Variants in HDAC9 observed in about 807,000 individuals in gnomAD.
HDAC9 encodes histone deacetylase 9.
A neutral mutation model predicts 139.4 loss-of-function variants in HDAC9; 41 were observed. That is an observed-to-expected ratio of 0.29 (90% CI 0.23 to 0.38). The LOEUF is 0.38. Among genes scored for constraint, HDAC9 ranks in the 10% least tolerant of loss-of-function variants. The pLI is 1.00. For synonymous variants in HDAC9, 517 were observed against 476.2 expected, an observed-to-expected ratio of 1.09 and a Z score of -1.12; for missense variants, 1,147 against 1,297.0, an observed-to-expected ratio of 0.88 and a Z score of 1.78.
chr7:18,720,318 T>C (rs914709746), intron 12 of HDAC9, among the ~76,000 whole-genome samples: 16 of 151,832 alleles, frequency 1.1e-4, no homozygotes, highest in Non-Finnish European at 2.1e-4. Flanking sequence ...TTAATTTATT[T>C]AATTTTAATT....
chr7:18,507,581 G>A (rs912023354), intron 2 of HDAC9, among the ~76,000 whole-genome samples: 5 of 151,432 alleles, frequency 3.3e-5, no homozygotes, highest in East Asian at 1.9e-4. Flanking sequence ...TGTAACCTCC[G>A]CCTCCCGGGT....
At chr7:18,266,491 G>A (rs114957022) in intron 2 of HDAC9, among the ~76,000 whole-genome samples, 10 of 152,226 alleles carry the variant, frequency 6.6e-5, no homozygotes, top group Middle Eastern at 3.4e-3. Context: ...CCTCAGGACA[G>A]ACATTGTGCA....
In HDAC9 at chr7:18,332,910, T is replaced by C. The variant is rs189567507; in HGVS notation, c.-42+42395T>C. On this transcript the variant is annotated intron_variant, in intron 1 of 3. Transcript: ENST00000413509. ...AATCTTTGACAGAAATATTCTACTG[T>C]GAGGAAATAAATTTACACAAGGATC... Among the ~76,000 whole-genome samples, 460 of 151,608 alleles carry C rather than the reference T, an allele frequency of 3.0e-3. 2 individuals carry two copies. The highest frequency in any genetic ancestry group is 0.011 in the African/African-American group (439 of 41,450).
At chr7:18,392,148 A>G (rs1786547374) in intron 1 of HDAC9, among the ~76,000 whole-genome samples, 1 of 152,040 alleles carries the variant, frequency 6.6e-6, no homozygotes, top group African/African-American at 2.4e-5. Flanking sequence ...TACCTGAGTG[A>G]GTTACTCAGC....
At chr7:18,833,532 G>T (rs1409380161) in intron 19 of HDAC9, among the ~76,000 whole-genome samples, 1 of 152,136 alleles carries the variant, frequency 6.6e-6, no homozygotes, top group African/African-American at 2.4e-5. Flanking sequence ...TAGATATCCA[G>T]TAACAAACAC....
intron 16 of HDAC9, among the ~76,000 whole-genome samples, chr7:18,776,689 T>G (rs1193676446): frequency 1.3e-5 from 2 of 151,804 alleles, no homozygotes; most frequent in African/African-American, 4.8e-5. Context: ...TAATGAGAAG[T>G]GTTGCTTTTT....
intron 16 of HDAC9, among the ~76,000 whole-genome samples, chr7:18,769,757 G>A (rs1302648555): frequency 1.3e-5 from 2 of 152,048 alleles, no homozygotes; most frequent in African/African-American, 4.8e-5. Context: ...TCACCTCCAG[G>A]ACAATCCCAG....
At chr7:18,566,751 G>T (rs1349751981) in intron 2 of HDAC9, among the ~76,000 whole-genome samples, 1 of 152,192 alleles carries the variant, frequency 6.6e-6, no homozygotes. Context: ...GACTGATAGA[G>T]ATGTTAATTT....
chr7:18,734,937 T>G (rs1420507119), intron 13 of HDAC9, among the ~76,000 whole-genome samples: 2 of 152,220 alleles, frequency 1.3e-5, no homozygotes, highest in Non-Finnish European at 2.9e-5. Context: ...TTCTAACTGG[T>G]GTGAAATGGT....
chr7:18,728,067 T>C (rs1785700637), intron 13 of HDAC9, among the ~76,000 whole-genome samples: 1 of 152,212 alleles, frequency 6.6e-6, no homozygotes, highest in Admixed American at 6.5e-5. Flanking sequence ...TCTCTACTCT[T>C]ACCTTCTGCC....
At chr7:18,155,524 C>G (rs1004847206) in intron 1 of HDAC9, among the ~76,000 whole-genome samples, 6 of 152,132 alleles carry the variant, frequency 3.9e-5, no homozygotes, top group Non-Finnish European at 8.8e-5. Context: ...ATAGTATAGA[C>G]TACTGAATCT....
intron 16 of HDAC9, among the ~76,000 whole-genome samples, chr7:18,775,842 C>G (rs1347742721): frequency 2.0e-5 from 3 of 152,164 alleles, no homozygotes; most frequent in Admixed American, 6.6e-5. Context: ...TATCCATACT[C>G]AGTTGAACCA....
At chr7:18,248,507 T>C (rs1794707447) in intron 2 of HDAC9, among the ~76,000 whole-genome samples, 1 of 152,238 alleles carries the variant, frequency 6.6e-6, no homozygotes, top group Non-Finnish European at 1.5e-5. Context: ...GGTGGAATTG[T>C]TGGCAGTTTT....
intron 2 of HDAC9, among the ~76,000 whole-genome samples, chr7:18,546,031 T>A (rs1256249406): frequency 6.6e-6 from 1 of 152,222 alleles, no homozygotes; most frequent in Non-Finnish European, 1.5e-5. Flanking sequence ...ATTATGCATA[T>A]TGACAAAACT....
intron 1 of HDAC9, among the ~76,000 whole-genome samples, chr7:18,427,140 A>G (rs766271836): frequency 6.6e-6 from 1 of 152,196 alleles, no homozygotes; most frequent in African/African-American, 2.4e-5. Context: ...TGCAGGCACA[A>G]CAACACCCTA....
At chr7:18,230,962 G>A (rs302156) in intron 2 of HDAC9, among the ~76,000 whole-genome samples, 6,736 of 152,216 alleles carry the variant, frequency 0.044, 203 homozygotes, top group African/African-American at 0.082. Context: ...AGTGAGAAAA[G>A]TATCTTTGTC....
At chr7:18,795,033 A>C (rs1207993674) in intron 17 of HDAC9, among the ~76,000 whole-genome samples, 9 of 152,160 alleles carry the variant, frequency 5.9e-5, no homozygotes, top group Admixed American at 5.9e-4. Context: ...ATTGCCAAAT[A>C]TATGCACGAA....
At chr7:18,471,983 C>G (rs565269420) in intron 1 of HDAC9, among the ~76,000 whole-genome samples, 1 of 152,100 alleles carries the variant, frequency 6.6e-6, no homozygotes, top group Non-Finnish European at 1.5e-5. Context: ...GCTATTAATG[C>G]AAACCAGGCT....
intron 2 of HDAC9, among the ~76,000 whole-genome samples, chr7:18,520,439 G>C (rs1487235706): frequency 6.6e-6 from 1 of 152,060 alleles, no homozygotes; most frequent in Non-Finnish European, 1.5e-5. Flanking sequence ...ATAATTAGAG[G>C]CAACTAAGCA....
Sources: gnomAD v4.1 joint callset for allele counts (sites outside exome capture counted in the v4.1 genomes callset) on GRCh38, gnomAD v4.1.1 for gene constraint, MANE v1.5 for transcripts, NCBI Gene and HGNC (gene_info 2026-07-23, HGNC 2026-07-21) for gene names.